The following ESRP1 variants were observed in gnomAD, a reference collection of about 807,000 sequenced individuals.
ESRP1 encodes epithelial splicing regulatory protein 1, also known as RNA-binding motif protein 35A.
Under a neutral mutation model 81.7 loss-of-function variants are expected in ESRP1, and 33 were observed. The ratio of observed to expected loss-of-function variants is 0.40; its 90% CI spans 0.31 to 0.54. The LOEUF (loss-of-function observed/expected upper bound fraction) is 0.54. Ranked by LOEUF, ESRP1 falls within the 20% of genes least tolerant of loss-of-function variation. The pLI, the probability that ESRP1 is intolerant of heterozygous loss-of-function variation, is 0.41. For synonymous variants in ESRP1, 320 were observed against 303.3 expected (o/e 1.06, Z -0.57); for missense variants, 672 against 833.1 (o/e 0.81, Z 2.38).
intron 2 of ESRP1, among the ~76,000 whole-genome samples, chr8:94,642,669 T>G (rs3096599): frequency 0.99 from 151,312 of 152,296 alleles, 75,173 homozygotes; most frequent in East Asian, 1. Context: ...CTGCCCGTTG[T>G]GTCACTGCGG....
chr8:94,666,992 C>G (rs1819047679), intron 9 of ESRP1, among the ~76,000 whole-genome samples: 1 of 151,880 alleles, frequency 6.6e-6, no homozygotes. Context: ...CACTTGTGGT[C>G]AAGAGTTCGA....
Position 94,702,451 on chromosome 8 carries a change from A to T in ESRP1, c.*36-3474A>T, listed in dbSNP as rs6989100. ...TTACCAGTTAATTACATGAAAAAAT[A>T]TAAAAACTGTATTTGATCATTTTGT... is the stretch of plus-strand genomic sequence containing the variant. On this transcript the variant is annotated intron_variant, in intron 15 of 15. Coordinates refer to ENST00000433389, the MANE Select transcript of ESRP1 (RefSeq NM_017697.4). 3.3e-3 allele frequency among the ~76,000 whole-genome samples: 500 copies of T among 152,366 alleles called. 3 individuals are homozygous for T. The highest frequency in any genetic ancestry group is 0.012 in the African/African-American group (487 of 41,586).
rs750503735 is a variant in ESRP1 at position 94,641,232 on chromosome 8, G to T, written c.-87G>T. ...GGCGCTCTTTCTTTTTCTCTTAGAA[G>T]AGGGTTTAGCACAGGTTTTTTCGTT... On this transcript the variant is annotated 5_prime_UTR_variant, in exon 1 of 16. Transcript: ENST00000433389. The T allele has an allele frequency of 1.6e-6, 2 of 1,286,060 alleles. No homozygotes were observed. The highest frequency in any genetic ancestry group is 2.1e-6 in the Non-Finnish European group (2 of 936,966). The allele number at this position is 1,286,060 out of a possible 1,614,324, so 79.7% of individuals were successfully genotyped here.
At chr8:94,654,340 T>C (rs1818297430) in intron 4 of ESRP1, among the ~76,000 whole-genome samples, 1 of 152,184 alleles carries the variant, frequency 6.6e-6, no homozygotes. Flanking sequence ...TATTTTACTT[T>C]TAAAATGGGA....
chr8:94,645,639 A>G (rs1293287343), intron 3 of ESRP1, among the ~76,000 whole-genome samples: 3 of 151,928 alleles, frequency 2.0e-5, no homozygotes, highest in Admixed American at 6.6e-5. Flanking sequence ...CTAATGTGGG[A>G]CTATTATTTG....
chr8:94,706,183 A>C lies in ESRP1; in HGVS notation c.*294A>C. ...ATTTAAAATGTGAATTTGGAATCAG[A>C]TGTCTCCATTACTTCCAGTTAAAGT... On this transcript the variant is annotated 3_prime_UTR_variant, in exon 16 of 16. Coordinates refer to ENST00000433389, the MANE Select transcript of ESRP1 (RefSeq NM_017697.4). 1 of 500,988 alleles carries C rather than the reference A, an allele frequency of 2.0e-6. No individual in the cohort carries two copies. Among genetic ancestry groups the C allele is most frequent in the Non-Finnish European group, 3.5e-6 (1 of 284,956 alleles). The allele number at this position is 500,988 out of a possible 1,614,324, so 31.0% of individuals were successfully genotyped here.
chr8:94,678,667 TG>T (rs1411242343), intron 13 of ESRP1, among the ~76,000 whole-genome samples: 1 of 152,214 alleles, frequency 6.6e-6, no homozygotes, highest in Admixed American at 6.5e-5. Context: ...TGCAATAGGA[TG>T]GCAATATCAG....
chr8:94,669,845 C>G (rs551918265), intron 10 of ESRP1, among the ~76,000 whole-genome samples: 2 of 140,698 alleles, frequency 1.4e-5, no homozygotes, highest in Non-Finnish European at 3.0e-5. Flanking sequence ...CTAGCCTGGG[C>G]GACCAAGCAA....
intron 12 of ESRP1, among the ~76,000 whole-genome samples, chr8:94,674,785 C>G (rs543382149): frequency 6.6e-6 from 1 of 152,178 alleles, no homozygotes; most frequent in Admixed American, 6.5e-5. Flanking sequence ...CAGATAAGCA[C>G]TGACTCTGGG....
At chr8:94,681,866 G>A (rs927934086) in intron 13 of ESRP1, among the ~76,000 whole-genome samples, 6 of 152,098 alleles carry the variant, frequency 3.9e-5, no homozygotes, top group African/African-American at 9.7e-5. Flanking sequence ...CCTGGGAGGC[G>A]GTGGTTGCAG....
chr8:94,681,928 A>G (rs1216950045), intron 13 of ESRP1, among the ~76,000 whole-genome samples: 2 of 152,174 alleles, frequency 1.3e-5, no homozygotes, highest in African/African-American at 2.4e-5. Flanking sequence ...AGCGAGACTC[A>G]GTCTCAAAAA....
chr8:94,692,723 A>C lies in ESRP1; in HGVS notation c.1867A>C (p.Asn623His), dbSNP rs1586253727. The C allele has an allele frequency of 6.2e-7, 1 of 1,613,886 alleles. No individual in the cohort carries two copies. The change falls in exon 14 of 16, where the codon AAT (asparagine) becomes CAT (histidine). Residue 623 changes from asparagine (N) to histidine (H), a missense_variant. Transcript: ENST00000433389. The part of the protein sequence containing the change: ...NSLGYFPTAA[N>H]LSGVPPQPGT... ...TCTTGGCTACTTCCCTACAGCTGCTAATCTTAGCGGTGTCCCTCCACAGCC... is the reference window on the plus strand; with the variant it reads ...TCTTGGCTACTTCCCTACAGCTGCTCATCTTAGCGGTGTCCCTCCACAGCC...
Position 94,664,713 on chromosome 8 carries a change from A to C in ESRP1, c.661A>C (p.Ile221Leu). 2 of 1,613,814 alleles carry C rather than the reference A, an allele frequency of 1.2e-6. No individual in the cohort carries two copies. Among genetic ancestry groups the C allele is most frequent in the Non-Finnish European group, 1.7e-6 (2 of 1,179,740 alleles). The change falls in exon 7 of 16, where the codon ATT becomes CTT. Residue 221 changes from isoleucine to leucine, a missense_variant. By Grantham distance (5) the Ile-to-Leu change is conservative. Transcript: ENST00000433389. ...ESGTCSKMEL[I>L]DDNTVVRARG... is the part of the protein sequence containing the mutation. ...CATCCACAGCAGCAAGATGGAACTT[A>C]TTGATGATAACACCGTAGTCAGGGC... is the stretch of plus-strand genomic sequence containing the variant.
chr8:94,670,478 C>A, intron 10 of ESRP1, among the ~76,000 whole-genome samples: 1 of 152,130 alleles, frequency 6.6e-6, no homozygotes, highest in East Asian at 1.9e-4. Flanking sequence ...AGCAACTGAG[C>A]AGGGTGTGAG....
At chr8:94,641,572 T>C in intron 1 of ESRP1, 122 bp downstream of exon 1, 1 of 1,387,898 alleles carries the variant, frequency 7.2e-7, no homozygotes, top group Non-Finnish European at 1.0e-6. Context: ...CTTGTGAGTC[T>C]GGACCCGAGG....
At chr8:94,682,343 T>C (rs1398548072) in intron 13 of ESRP1, among the ~76,000 whole-genome samples, 1 of 152,144 alleles carries the variant, frequency 6.6e-6, no homozygotes, top group Non-Finnish European at 1.5e-5. Context: ...CGTACGACAT[T>C]ATAAATTACA....
chr8:94,695,563 C>A (rs1809572459), intron 14 of ESRP1, among the ~76,000 whole-genome samples: 1 of 150,792 alleles, frequency 6.6e-6, no homozygotes, highest in South Asian at 2.1e-4. Context: ...ACCATGCTGG[C>A]CAGGCTGGCC....
chr8:94,652,196 G>A (rs926689330), intron 4 of ESRP1, among the ~76,000 whole-genome samples: 1 of 149,782 alleles, frequency 6.7e-6, no homozygotes, highest in African/African-American at 2.5e-5. Context: ...CCATGTTGGC[G>A]AGGCTGGTCT....
chr8:94,648,545 G>A (rs932531994), intron 4 of ESRP1, among the ~76,000 whole-genome samples: 11 of 152,200 alleles, frequency 7.2e-5, no homozygotes, highest in African/African-American at 2.7e-4. Context: ...GAATTGTTCC[G>A]TTCTTTCAGA....
Sources: gnomAD v4.1 joint callset for allele counts (sites outside exome capture counted in the v4.1 genomes callset) on GRCh38, gnomAD v4.1.1 for gene constraint, MANE v1.5 for transcripts, NCBI Gene and HGNC (gene_info 2026-07-23, HGNC 2026-07-21) for gene names.